E2F3: variants seen among roughly 807,000 people sequenced by gnomAD.
The protein encoded by E2F3 is transcription factor E2F3.
A neutral mutation model predicts 44.4 loss-of-function variants in E2F3; 11 were observed. The ratio of observed to expected loss-of-function variants is 0.25; its 90% CI spans 0.16 to 0.41. The LOEUF is 0.41. E2F3 is among the 10% of genes least tolerant of loss of function. E2F3 has a pLI of 1.00. For synonymous variants in E2F3, 249 were observed against 253.0 expected, an observed-to-expected ratio of 0.98 and a Z score of 0.15; for missense variants, 487 against 583.6, an observed-to-expected ratio of 0.83 and a Z score of 1.70.
In E2F3 at chr6:20,402,464, GCC is replaced by G; in HGVS notation, c.233_234del (p.Ala78GlyfsTer88). ...CTGTTCCTCCTCCCTCCAAAGCGGC[GCC>G]GTAGCCGCCGGCCCCCTCCTCCCCA... Reference protein sequence around the residue: ...TSCSSSLQSGAVAAGPLLPSA... With the variant: ...TSCSSSLQSGXVAAGPLLPSA... On this transcript the variant is annotated frameshift_variant, in exon 1 of 7. Coordinates refer to ENST00000346618, the MANE Select transcript of E2F3 (RefSeq NM_001949.5). LOFTEE classifies it high-confidence loss of function. This position sits in a 1 kb window ranked among gnomAD's most constrained non-coding sequence, Gnocchi z 5.6. The G allele has an allele frequency of 3.7e-6, 6 of 1,609,562 alleles. No homozygotes were observed. Among genetic ancestry groups the G allele is most frequent in the Non-Finnish European group, 5.1e-6 (6 of 1,179,348 alleles).
chr6:20,469,847 G>A (rs796441526), intron 1 of E2F3, among the ~76,000 whole-genome samples: 12 of 152,200 alleles, frequency 7.9e-5, no homozygotes, highest in African/African-American at 2.6e-4. Flanking sequence ...CTCACCCAGC[G>A]GCTCACAGAG....
intron 4 of E2F3, among the ~76,000 whole-genome samples, chr6:20,484,333 C>T (rs1399171307): frequency 1.3e-5 from 2 of 152,184 alleles, no homozygotes; most frequent in Non-Finnish European, 2.9e-5. Context: ...ATTCAGTTCC[C>T]AAATTGGTAC....
chr6:20,469,010 G>A (rs1761804840), intron 1 of E2F3, among the ~76,000 whole-genome samples: 1 of 152,136 alleles, frequency 6.6e-6, no homozygotes, highest in African/African-American at 2.4e-5. Context: ...GAGAGCTTCA[G>A]GCAGGAGGAA....
intron 1 of E2F3, among the ~76,000 whole-genome samples, chr6:20,476,029 T>G (rs1201202504): frequency 6.6e-6 from 1 of 152,098 alleles, no homozygotes; most frequent in African/African-American, 2.4e-5. Context: ...ACTCAGCCAG[T>G]TCCATAAGCT....
intron 1 of E2F3, among the ~76,000 whole-genome samples, chr6:20,425,205 G>A (rs999415992): frequency 6.6e-6 from 1 of 152,104 alleles, no homozygotes; most frequent in African/African-American, 2.4e-5. Flanking sequence ...TTAAGTGAGT[G>A]GGGAGAGAAA....
intron 1 of E2F3, among the ~76,000 whole-genome samples, chr6:20,412,915 G>A (rs900898808): frequency 3.3e-5 from 5 of 152,174 alleles, no homozygotes; most frequent in Admixed American, 1.3e-4. Flanking sequence ...AATGTTTATC[G>A]AGTGCCCGCA....
At chr6:20,475,639 C>T (rs1561880685) in intron 1 of E2F3, among the ~76,000 whole-genome samples, 1 of 152,176 alleles carries the variant, frequency 6.6e-6, no homozygotes, top group Non-Finnish European at 1.5e-5. Flanking sequence ...GTAACTGGAA[C>T]TACAGGTGCA....
intron 5 of E2F3, among the ~76,000 whole-genome samples, chr6:20,487,370 G>T (rs1762425683): frequency 6.6e-6 from 1 of 152,104 alleles, no homozygotes; most frequent in African/African-American, 2.4e-5. Context: ...GAGAATGAAA[G>T]TTACACGCTT....
intron 1 of E2F3, among the ~76,000 whole-genome samples, chr6:20,457,348 C>CTTTTTTTTTTT (rs60238519): frequency 8.2e-5 from 9 of 109,454 alleles, no homozygotes; most frequent in Non-Finnish European, 1.2e-4. Context: ...CTTATTTTTT[C>CTTTTTTTTTTT]TTTTTTTTTT....
At chr6:20,414,267 A>C (rs1759770570) in intron 1 of E2F3, among the ~76,000 whole-genome samples, 1 of 152,216 alleles carries the variant, frequency 6.6e-6, no homozygotes, top group African/African-American at 2.4e-5. Flanking sequence ...CGATGCTGTC[A>C]GGGCTCGCAG....
intron 1 of E2F3, among the ~76,000 whole-genome samples, chr6:20,459,292 A>T (rs1019534665): frequency 1.3e-5 from 2 of 152,128 alleles, no homozygotes; most frequent in African/African-American, 4.8e-5. Context: ...AAAAAAGGTC[A>T]TATAGCCAGG....
At position 20,490,335 on chromosome 6, in the gene E2F3, C is replaced by A; in HGVS notation, c.1303C>A (p.Leu435Ile). ...GCCTCCCCTGCTGCAAGAGGACTAT[C>A]TCCTGAGCCTCGGGGAGGAGGAAGG... ...LLPPLLQEDY[L>I]LSLGEEEGIS... is the part of the protein sequence containing the mutation. The change falls in exon 7 of 7, where the codon CTC becomes ATC. Residue 435 changes from leucine to isoleucine, a missense_variant. By Grantham distance (5) the Leu-to-Ile change is conservative. Around this residue, in one of 3 missense-constraint regions of E2F3, gnomAD observed 220 missense variants for 261.7 expected, o/e 0.84. Coordinates refer to ENST00000346618, the MANE Select transcript of E2F3 (RefSeq NM_001949.5). This position sits in a 1 kb window ranked among gnomAD's most constrained non-coding sequence, Gnocchi z 4.3. The A allele has an allele frequency of 4.3e-6, 7 of 1,613,978 alleles. No homozygotes were observed. Among genetic ancestry groups the A allele is most frequent in the Non-Finnish European group, 5.9e-6 (7 of 1,179,956 alleles).
At chr6:20,443,211 C>T (rs908923638) in intron 1 of E2F3, among the ~76,000 whole-genome samples, 1 of 152,110 alleles carries the variant, frequency 6.6e-6, no homozygotes, top group East Asian at 1.9e-4. Flanking sequence ...TCCACGGCTG[C>T]CCCTCTTGGC....
chr6:20,402,884 T>C lies in E2F3; in HGVS notation c.393+259T>C, dbSNP rs1203300761. ...ACCACATCAAACACTCCAAAACTTTTCGCGGCCCCCCCTTCTTTTCCTGCA... is the reference window on the plus strand; with the variant it reads ...ACCACATCAAACACTCCAAAACTTTCCGCGGCCCCCCCTTCTTTTCCTGCA... On this transcript the variant is annotated intron_variant, in intron 1 of 6. Coordinates refer to ENST00000346618, the MANE Select transcript of E2F3 (RefSeq NM_001949.5). This position sits in a 1 kb window ranked among gnomAD's most constrained non-coding sequence, Gnocchi z 5.6. Among the ~76,000 whole-genome samples, 3 of 152,040 alleles carry C rather than the reference T, an allele frequency of 2.0e-5. No homozygotes were observed. The East Asian group carries it at 5.8e-4, about 29-fold the overall frequency.
At position 20,488,204 on chromosome 6, in the gene E2F3, A is replaced by G. The variant is rs780402710; in HGVS notation, c.1091A>G (p.Asn364Ser). 6.2e-7 allele frequency: 1 copy of G among 1,610,836 alleles called. No individual in the cohort carries two copies. Among genetic ancestry groups the G allele is most frequent in the Non-Finnish European group, 8.5e-7 (1 of 1,179,250 alleles). The change falls in exon 6 of 7, where the codon AAC (asparagine) becomes AGC (serine). Residue 364 changes from asparagine (N) to serine (S), a missense_variant. Transcript: ENST00000346618. ...GAAACACACAGTCCAATGAAAACAA[A>G]CAACCAAGACCACAATGGGAATATC... ...ETETHSPMKT[N>S]NQDHNGNIPK...
At chr6:20,414,663 T>C (rs9465735) in intron 1 of E2F3, among the ~76,000 whole-genome samples, 1,604 of 152,292 alleles carry the variant, frequency 0.011, 23 homozygotes, top group African/African-American at 0.036. Flanking sequence ...ATTTTGTCGC[T>C]ATGTTGGGTA....
At chr6:20,412,935 G>A (rs868449655) in intron 1 of E2F3, among the ~76,000 whole-genome samples, 3 of 152,156 alleles carry the variant, frequency 2.0e-5, no homozygotes, top group Non-Finnish European at 4.4e-5. Flanking sequence ...ATGTATCGAG[G>A]GCACTAAACT....
chr6:20,482,242 T>C (rs1220251223), intron 3 of E2F3, among the ~76,000 whole-genome samples: 2 of 152,166 alleles, frequency 1.3e-5, no homozygotes, highest in Non-Finnish European at 2.9e-5. Context: ...ATACATCACA[T>C]ACATCTGTTT....
At chr6:20,404,182 AG>A (rs1257793360) in intron 1 of E2F3, among the ~76,000 whole-genome samples, 1 of 30,234 alleles carries the variant, frequency 3.3e-5, no homozygotes, top group Non-Finnish European at 6.1e-5. Flanking sequence ...CTGGAGGGGG[AG>A]GGGGGTGGGT....
Sources: gnomAD v4.1 joint callset for allele counts (sites outside exome capture counted in the v4.1 genomes callset) on GRCh38, gnomAD v4.1.1 for gene constraint, gnomAD v4.1.1 regional missense constraint, Gnocchi (gnomAD v3.1) non-coding constraint, MANE v1.5 for transcripts, NCBI Gene and HGNC (gene_info 2026-07-23, HGNC 2026-07-21) for gene names.